SMAP2: variants seen among roughly 807,000 people sequenced by gnomAD.
SMAP2 encodes stromal membrane-associated protein 2.
In SMAP2, 25 loss-of-function variants were observed where a neutral mutation model predicts 56.4. The observed-to-expected ratio is 0.44, with a 90% confidence interval of 0.32 to 0.62. The LOEUF (loss-of-function observed/expected upper bound fraction) is 0.62. Among genes scored for constraint, SMAP2 ranks in the 20% least tolerant of loss-of-function variants. SMAP2 has a pLI of 0.04. For missense variants in SMAP2, 388 were observed against 545.6 expected (o/e 0.71, Z 2.88); for synonymous variants, 157 against 181.7 (o/e 0.86, Z 1.09).
chr1:40,406,630 A>G, intron 1 of SMAP2, 106 bp from the exon 2 acceptor site: 1 of 1,303,062 alleles, frequency 7.7e-7, no homozygotes, highest in African/African-American at 1.5e-5. Flanking sequence ...TATGGTAAAA[A>G]TTATTTCACT....
At position 40,406,889 on chromosome 1, in the gene SMAP2, G is replaced by T. The variant is rs201354878; in HGVS notation, c.237+20G>T. The T allele has an allele frequency of 1.9e-6, 3 of 1,599,272 alleles. No homozygotes were observed. Among genetic ancestry groups the T allele is most frequent in the Non-Finnish European group, 2.6e-6 (3 of 1,170,100 alleles). Reference sequence around the variant, plus strand: ...ATTCAGGTACTTAGCCCAAGAGTGAGTCAGCTGCTTCCATATATCTATGTA... The same window carrying T: ...ATTCAGGTACTTAGCCCAAGAGTGATTCAGCTGCTTCCATATATCTATGTA... On this transcript the variant is annotated intron_variant, in intron 2 of 9. Coordinates refer to ENST00000372718, the MANE Select transcript of SMAP2 (RefSeq NM_022733.3).
intron 2 of SMAP2, among the ~76,000 whole-genome samples, chr1:40,364,185 C>T (rs1309627710): frequency 2.6e-5 from 4 of 152,112 alleles, no homozygotes; most frequent in South Asian, 2.1e-4. Context: ...GTTCACCATA[C>T]CTCTTTCTTG....
intron 1 of SMAP2, among the ~76,000 whole-genome samples, chr1:40,393,073 G>A (rs933537584): frequency 2.7e-5 from 4 of 148,580 alleles, no homozygotes; most frequent in African/African-American, 1.0e-4. Context: ...CTGCACTCCA[G>A]CCTGGGTGAC....
intron 3 of SMAP2, 92 bp from the exon 4 acceptor site, chr1:40,409,665 A>AGG (rs1369375235): frequency 1.2e-6 from 1 of 867,186 alleles, no homozygotes; most frequent in Non-Finnish European, 1.9e-6. Context: ...AGAGGGAAGG[A>AGG]GGAGAACAAT....
intron 8 of SMAP2, 53 bp downstream of exon 8, chr1:40,416,394 C>T: frequency 6.4e-7 from 1 of 1,561,042 alleles, no homozygotes; most frequent in Non-Finnish European, 8.7e-7. Context: ...TGAGGGCTTC[C>T]ATGCAGGAAT....
At chr1:40,395,970 G>C (rs184245240) in intron 1 of SMAP2, among the ~76,000 whole-genome samples, 4 of 152,268 alleles carry the variant, frequency 2.6e-5, no homozygotes, top group Non-Finnish European at 5.9e-5. Context: ...CCGGTTACCT[G>C]GTAGGAAGAT....
intron 1 of SMAP2, among the ~76,000 whole-genome samples, chr1:40,401,324 A>G (rs1319874662): frequency 6.6e-6 from 1 of 152,158 alleles, no homozygotes; most frequent in Admixed American, 6.5e-5. Context: ...AGGTCTAGGT[A>G]GAAATGGATA....
At chr1:40,352,405 T>C (rs1242327431) in intron 1 of SMAP2, among the ~76,000 whole-genome samples, 1 of 152,174 alleles carries the variant, frequency 6.6e-6, no homozygotes, top group Non-Finnish European at 1.5e-5. Flanking sequence ...TCTCTCTGCC[T>C]ATAATGTTCT....
At chr1:40,357,958 T>C (rs1644444063) in intron 1 of SMAP2, among the ~76,000 whole-genome samples, 1 of 152,074 alleles carries the variant, frequency 6.6e-6, no homozygotes, top group Non-Finnish European at 1.5e-5. Context: ...CCTATTTCTT[T>C]GAGGAATGTT....
chr1:40,399,701 CAAA>C (rs35452622), intron 1 of SMAP2, among the ~76,000 whole-genome samples: 3 of 116,452 alleles, frequency 2.6e-5, no homozygotes, highest in Admixed American at 9.1e-5. Context: ...GACCCTGTCT[CAAA>C]AAAAAAAAAA....
At chr1:40,357,798 T>G (rs1057287361) in intron 1 of SMAP2, among the ~76,000 whole-genome samples, 1 of 152,346 alleles carries the variant, frequency 6.6e-6, no homozygotes, top group Middle Eastern at 3.4e-3. Context: ...TCCATTTTTG[T>G]GCCAATGCCA....
At chr1:40,382,657 T>G (rs1569852934) in intron 1 of SMAP2, among the ~76,000 whole-genome samples, 1 of 152,230 alleles carries the variant, frequency 6.6e-6, no homozygotes, top group East Asian at 1.9e-4. Context: ...GTAGAACACC[T>G]TAAAGTTAAT....
At chr1:40,387,379 T>C (rs1407511160) in intron 1 of SMAP2, among the ~76,000 whole-genome samples, 1 of 152,144 alleles carries the variant, frequency 6.6e-6, no homozygotes, top group African/African-American at 2.4e-5. Context: ...GTATAAATTT[T>C]TGTGTTGTTG....
In SMAP2 at chr1:40,408,444, G is replaced by T. The variant is rs779133296; in HGVS notation, c.238-209G>T. On this transcript the variant is annotated intron_variant, in intron 2 of 9. Coordinates refer to ENST00000372718, the MANE Select transcript of SMAP2 (RefSeq NM_022733.3). This position sits in a 1 kb window ranked among gnomAD's most constrained non-coding sequence, Gnocchi z 4.3. ...TTTCAGTAAAAGGAACCTATGGAGT[G>T]GGGGAAAGACAGCTTGGGGCAAATG... 2.0e-5 allele frequency among the ~76,000 whole-genome samples: 3 copies of T among 152,172 alleles called. No homozygotes were observed. The highest frequency in any genetic ancestry group is 7.2e-5 in the African/African-American group (3 of 41,440).
rs1003710 is a variant in SMAP2 at position 40,374,681 on chromosome 1, A to G, written c.103+458A>G. 0.47 allele frequency: 725,276 copies of G among 1,548,514 alleles called. 173,974 individuals carry two copies. The highest frequency in any genetic ancestry group is 0.69 in the African/African-American group (49,958 of 72,394). ...GGAGGAGGGAAGTGAGATGGCGGAAAGGAAAACTGCTTAAATGATTTTTAA... is the reference window on the plus strand; with the variant it reads ...GGAGGAGGGAAGTGAGATGGCGGAAGGGAAAACTGCTTAAATGATTTTTAA... On this transcript the variant is annotated intron_variant, in intron 1 of 9. Coordinates refer to ENST00000372718, the MANE Select transcript of SMAP2 (RefSeq NM_022733.3). The surrounding 1 kb of genome is among the most constrained non-coding windows in gnomAD (Gnocchi z 5.9).
At chr1:40,406,155 A>G (rs925280447) in intron 1 of SMAP2, among the ~76,000 whole-genome samples, 1 of 152,198 alleles carries the variant, frequency 6.6e-6, no homozygotes, top group Non-Finnish European at 1.5e-5. Flanking sequence ...GCCCATCACC[A>G]CTAAAACGTC....
chr1:40,345,819 C>T (rs1644382991), intron 1 of SMAP2, among the ~76,000 whole-genome samples: 1 of 139,746 alleles, frequency 7.2e-6, no homozygotes, highest in Non-Finnish European at 1.6e-5. Flanking sequence ...AGGTATTATG[C>T]TGGAGTTTCT....
chr1:40,408,610 C>G lies in SMAP2; in HGVS notation c.238-43C>G. ...TGGGTGAGAAGTTTTTCAGTTCTTTCTTGATCTGACGTTCCATGTTTCTAC... is the reference window on the plus strand; with the variant it reads ...TGGGTGAGAAGTTTTTCAGTTCTTTGTTGATCTGACGTTCCATGTTTCTAC... On this transcript the variant is annotated intron_variant, in intron 2 of 9. Coordinates refer to ENST00000372718, the MANE Select transcript of SMAP2 (RefSeq NM_022733.3). This position sits in a 1 kb window ranked among gnomAD's most constrained non-coding sequence, Gnocchi z 4.3. The G allele has an allele frequency of 1.3e-6, 2 of 1,549,856 alleles. No homozygotes were observed. Among genetic ancestry groups the G allele is most frequent in the Non-Finnish European group, 1.8e-6 (2 of 1,122,488 alleles).
upstream of SMAP2, among the ~76,000 whole-genome samples, chr1:40,370,681 G>A (rs1306936909): frequency 8.7e-5 from 10 of 115,548 alleles, no homozygotes; most frequent in South Asian, 9.4e-4. Flanking sequence ...ACAGGAAGGG[G>A]AATATCACAC....
Sources: allele counts gnomAD v4.1 joint callset (sites outside exome capture counted in the v4.1 genomes callset), GRCh38; gene constraint gnomAD v4.1.1; non-coding constraint Gnocchi (gnomAD v3.1); transcripts MANE v1.5; gene names NCBI Gene and HGNC (gene_info 2026-07-23, HGNC 2026-07-21).